The following SIPA1L1 variants were observed in gnomAD, a reference collection of about 807,000 sequenced individuals.
The protein encoded by SIPA1L1 is signal-induced proliferation-associated 1-like protein 1.
A neutral mutation model predicts 162.7 loss-of-function variants in SIPA1L1; 26 were observed. The observed-to-expected ratio is 0.16, with a 90% CI of 0.12 to 0.22. The LOEUF (loss-of-function observed/expected upper bound fraction) is 0.22, where lower values mean the gene tolerates loss of function less well. SIPA1L1 is among the 10% of genes least tolerant of loss of function. The pLI is 1.00. For missense variants in SIPA1L1, 1,874 were observed against 2,241.0 expected (o/e 0.84, Z 3.31); for synonymous variants, 829 against 837.4 (o/e 0.99, Z 0.17).
At chr14:71,413,198 G>C (rs750536860) in intron 2 of SIPA1L1, among the ~76,000 whole-genome samples, 6 of 152,308 alleles carry the variant, frequency 3.9e-5, no homozygotes, top group Non-Finnish European at 8.8e-5. Context: ...GATGTTGCAA[G>C]ATGTCACCTG....
chr14:71,388,961 G>A (rs1281204890), intron 2 of SIPA1L1, among the ~76,000 whole-genome samples: 1 of 152,102 alleles, frequency 6.6e-6, no homozygotes, highest in Non-Finnish European at 1.5e-5. Flanking sequence ...TTGTTGTTTG[G>A]TAGAGATAGG....
At chr14:71,683,686 T>C (rs1382075115) in intron 12 of SIPA1L1, among the ~76,000 whole-genome samples, 6 of 152,178 alleles carry the variant, frequency 3.9e-5, no homozygotes, top group Non-Finnish European at 8.8e-5. Flanking sequence ...TATCAGAGCC[T>C]AAAGTAGTAT....
intron 4 of SIPA1L1, among the ~76,000 whole-genome samples, chr14:71,578,479 T>C (rs187503110): frequency 6.6e-6 from 1 of 152,316 alleles, no homozygotes; most frequent in Admixed American, 6.5e-5. Context: ...TGAATGCAGT[T>C]GAATATTTGA....
intron 5 of SIPA1L1, among the ~76,000 whole-genome samples, chr14:71,603,266 T>C (rs2037009342): frequency 6.6e-6 from 1 of 152,166 alleles, no homozygotes; most frequent in Admixed American, 6.5e-5. Flanking sequence ...GGATATTATA[T>C]AGTTGGATCA....
At chr14:71,665,169 A>G (rs2043880663) in intron 10 of SIPA1L1, among the ~76,000 whole-genome samples, 1 of 152,076 alleles carries the variant, frequency 6.6e-6, no homozygotes. Context: ...TTATCCATTT[A>G]TTTTTCATTA....
intron 2 of SIPA1L1, among the ~76,000 whole-genome samples, chr14:71,435,005 T>G (rs924334257): frequency 6.6e-6 from 1 of 152,184 alleles, no homozygotes; most frequent in Non-Finnish European, 1.5e-5. Context: ...TTTCCAATCT[T>G]TTGATATTAT....
At chr14:71,554,867 TA>T (rs1229721123) in intron 4 of SIPA1L1, among the ~76,000 whole-genome samples, 1 of 151,964 alleles carries the variant, frequency 6.6e-6, no homozygotes, top group Non-Finnish European at 1.5e-5. Flanking sequence ...ATTGTTTCCT[TA>T]AAAAATACTC....
intron 16 of SIPA1L1, 100 bp from the exon 17 acceptor site, chr14:71,709,122 C>A: frequency 1.0e-6 from 1 of 1,001,172 alleles, no homozygotes; most frequent in Non-Finnish European, 1.5e-6. Context: ...TTTAGGCCTT[C>A]AGAGCCCTAT....
intron 7 of SIPA1L1, among the ~76,000 whole-genome samples, chr14:71,640,410 T>C (rs1457131763): frequency 1.3e-5 from 2 of 152,194 alleles, no homozygotes; most frequent in African/African-American, 4.8e-5. Flanking sequence ...ATTAACAATA[T>C]CTTACAGTGC....
chr14:71,544,279 A>G (rs543015615), intron 4 of SIPA1L1, among the ~76,000 whole-genome samples: 14 of 105,250 alleles, frequency 1.3e-4, no homozygotes, highest in Admixed American at 2.8e-4. Context: ...GTATATACAT[A>G]TGTGTATATA....
chr14:71,614,477 A>C (rs2038597900), intron 5 of SIPA1L1, among the ~76,000 whole-genome samples: 1 of 152,198 alleles, frequency 6.6e-6, no homozygotes, highest in Admixed American at 6.5e-5. Context: ...GAGTCTGGTG[A>C]TGATAGTGGT....
intron 4 of SIPA1L1, among the ~76,000 whole-genome samples, chr14:71,571,393 A>G (rs1485543820): frequency 6.6e-6 from 1 of 152,148 alleles, no homozygotes; most frequent in Non-Finnish European, 1.5e-5. Context: ...GAAAGTTGTG[A>G]AGGTCCACTG....
chr14:71,672,435 A>G lies in SIPA1L1; in HGVS notation c.2917A>G (p.Ile973Val), dbSNP rs758897332. The G allele has an allele frequency of 6.2e-7, 1 of 1,614,214 alleles. No individual in the cohort carries two copies. The highest frequency in any genetic ancestry group is 1.3e-5 in the African/African-American group (1 of 75,064). ...QLGFHVNYEG[I>V]VADVEPYGYA... The stretch of plus-strand genomic sequence containing the variant: ...TGGCTTCCATGTCAACTATGAGGGC[A>G]TTGTGGCGGATGTGGAGCCCTACGG... Residue 973 changes from isoleucine to valine, a missense_variant, in exon 12 of 24, where the codon ATT becomes GTT. Ile to Val is a conservative substitution (Grantham distance 29, BLOSUM62 3). This residue lies in a region of SIPA1L1 where 936 missense variants were observed against 1,051.9 expected (regional missense o/e 0.89). Coordinates refer to ENST00000381232, the MANE Select transcript of SIPA1L1 (RefSeq NM_001386936.1).
At chr14:71,637,728 A>T (rs1019260094) in intron 7 of SIPA1L1, among the ~76,000 whole-genome samples, 1 of 152,250 alleles carries the variant, frequency 6.6e-6, no homozygotes, top group East Asian at 1.9e-4. Context: ...TTAAAAAAAA[A>T]AAAATAAGAA....
chr14:71,509,675 C>G (rs796085100), intron 2 of SIPA1L1, among the ~76,000 whole-genome samples: 1 of 149,182 alleles, frequency 6.7e-6, no homozygotes, highest in Non-Finnish European at 1.5e-5. Context: ...ACCCGGGAGG[C>G]GGAGGTTGCA....
intron 2 of SIPA1L1, among the ~76,000 whole-genome samples, chr14:71,327,413 G>A (rs376356234): frequency 2.2e-4 from 34 of 151,996 alleles, no homozygotes; most frequent in African/African-American, 7.7e-4. Context: ...TCTATTTTAC[G>A]TTTCTTTTCA....
intron 4 of SIPA1L1, among the ~76,000 whole-genome samples, chr14:71,585,829 GA>G (rs2034524166): frequency 6.6e-6 from 1 of 152,202 alleles, no homozygotes; most frequent in African/African-American, 2.4e-5. Flanking sequence ...GGGAGATGTT[GA>G]ACAGGTGTTT....
intron 2 of SIPA1L1, among the ~76,000 whole-genome samples, chr14:71,326,647 A>G (rs754629302): frequency 7.3e-5 from 11 of 150,862 alleles, no homozygotes; most frequent in African/African-American, 2.7e-4. Context: ...CTCTGGCTCC[A>G]TGTTATCTTT....
intron 2 of SIPA1L1, among the ~76,000 whole-genome samples, chr14:71,462,749 A>G (rs971021070): frequency 7.2e-5 from 11 of 152,182 alleles, no homozygotes; most frequent in African/African-American, 2.7e-4. Context: ...TCATCAACGT[A>G]ATGGACCAGT....
Sources: gnomAD v4.1 joint callset for allele counts (sites outside exome capture counted in the v4.1 genomes callset) on GRCh38, gnomAD v4.1.1 for gene constraint, gnomAD v4.1.1 regional missense constraint, MANE v1.5 for transcripts, NCBI Gene and HGNC (gene_info 2026-07-23, HGNC 2026-07-21) for gene names.